N4BP2L1: variants seen among roughly 807,000 people sequenced by gnomAD.
N4BP2L1 encodes NEDD4 binding protein 2 like 1.
In N4BP2L1, 12 loss-of-function variants were observed where a neutral mutation model predicts 21.2. That is an observed-to-expected ratio of 0.57 (90% confidence interval 0.36 to 0.92). The LOEUF is 0.92. Among genes scored for constraint, N4BP2L1 ranks in the 40% least tolerant of loss-of-function variants. N4BP2L1 has a pLI of 0.01. For synonymous variants in N4BP2L1, 104 were observed against 112.8 expected, an observed-to-expected ratio of 0.92 and a Z score of 0.49; for missense variants, 259 against 310.6, an observed-to-expected ratio of 0.83 and a Z score of 1.25.
chr13:32,418,811 A>G (rs2074291985), intron 1 of N4BP2L1, among the ~76,000 whole-genome samples: 1 of 152,152 alleles, frequency 6.6e-6, no homozygotes, highest in African/African-American at 2.4e-5. Flanking sequence ...ACCCTGCTGG[A>G]TTTTGGGCTT....
intron 1 of N4BP2L1, among the ~76,000 whole-genome samples, chr13:32,427,616 T>TC (rs1012297534): frequency 8.6e-5 from 13 of 151,174 alleles, no homozygotes; most frequent in Middle Eastern, 3.4e-3. Context: ...CGGGAATCCG[T>TC]CCCCCCCGGG....
intron 1 of N4BP2L1, among the ~76,000 whole-genome samples, chr13:32,419,115 C>A (rs2074308917): frequency 6.6e-6 from 1 of 152,054 alleles, no homozygotes; most frequent in Admixed American, 6.5e-5. Context: ...ACCCAAATCT[C>A]ATCTTGAATT....
intron 1 of N4BP2L1, among the ~76,000 whole-genome samples, chr13:32,409,762 A>G (rs1466481839): frequency 6.6e-6 from 1 of 151,976 alleles, no homozygotes; most frequent in Non-Finnish European, 1.5e-5. Context: ...CTCTTGGGGG[A>G]GGGGCTGAGC....
In N4BP2L1 at chr13:32,402,984, C is replaced by T. The variant is rs759462544; in HGVS notation, c.690G>A (p.Glu230=). The T allele has an allele frequency of 3.1e-6, 5 of 1,613,676 alleles. No individual in the cohort carries two copies. The African/African-American group carries it at 5.3e-5, about 17-fold the overall frequency. Residue 230 remains glutamate (E), a synonymous_variant, in exon 5 of 5, where the codon GAG becomes GAA. Transcript: ENST00000380130. ...NRRAHGGFTN[E]SSYHRRGGCH... ...AACCGCCCCTTCTGTGATAGGAGCT[C>T]TCATTTGTAAATCCACCGTGGGCCC...
At chr13:32,414,817 G>A (rs1267333612) in intron 1 of N4BP2L1, among the ~76,000 whole-genome samples, 1 of 152,102 alleles carries the variant, frequency 6.6e-6, no homozygotes, top group Non-Finnish European at 1.5e-5. Flanking sequence ...TTGCATGTGG[G>A]GCTGCCAGAA....
chr13:32,414,430 T>C lies in N4BP2L1; in HGVS notation c.180-6658A>G, dbSNP rs149139987. Among the ~76,000 whole-genome samples, 592 of 152,350 alleles carry C rather than the reference T, an allele frequency of 3.9e-3. 3 individuals are homozygous for C. The highest frequency in any genetic ancestry group is 0.013 in the African/African-American group (533 of 41,576). On this transcript the variant is annotated intron_variant, in intron 1 of 4. Transcript: ENST00000380130. ...GAGATATTCTTTGGTGAACTGCACT[T>C]TCACGTCCTTTGGTGAATAAAGCCT...
At chr13:32,407,408 T>G in intron 2 of N4BP2L1, 70 bp from the exon 3 acceptor site, 1 of 1,611,094 alleles carries the variant, frequency 6.2e-7, no homozygotes, top group South Asian at 1.1e-5. Flanking sequence ...TAATCTCTAT[T>G]CGTCATTTTT....
At chr13:32,418,979 G>A (rs1261651082) in intron 1 of N4BP2L1, among the ~76,000 whole-genome samples, 1 of 152,188 alleles carries the variant, frequency 6.6e-6, no homozygotes, top group South Asian at 2.1e-4. Context: ...TCTCAGATGA[G>A]ACTTTGGACT....
intron 1 of N4BP2L1, chr13:32,411,846 A>G: frequency 2.2e-6 from 2 of 904,268 alleles, no homozygotes; most frequent in Non-Finnish European, 2.6e-6. Flanking sequence ...AAAGTCAGAC[A>G]TTGCATGTAA....
intron 1 of N4BP2L1, chr13:32,411,806 A>C: frequency 2.1e-6 from 2 of 973,292 alleles, no homozygotes; most frequent in Non-Finnish European, 2.4e-6. Flanking sequence ...ATATTTAGAT[A>C]TCTCTTCAGC....
At chr13:32,410,068 T>C (rs1021193740) in intron 1 of N4BP2L1, among the ~76,000 whole-genome samples, 5 of 152,202 alleles carry the variant, frequency 3.3e-5, no homozygotes, top group Admixed American at 2.6e-4. Flanking sequence ...GGTGGATAGT[T>C]CTCAGACGCT....
chr13:32,409,965 A>G (rs1284429118), intron 1 of N4BP2L1, among the ~76,000 whole-genome samples: 3 of 152,254 alleles, frequency 2.0e-5, no homozygotes, highest in Non-Finnish European at 4.4e-5. Context: ...AGAGTGATCA[A>G]ATACATACAA....
At chr13:32,421,349 G>A (rs2074465846) in intron 1 of N4BP2L1, among the ~76,000 whole-genome samples, 1 of 152,150 alleles carries the variant, frequency 6.6e-6, no homozygotes, top group African/African-American at 2.4e-5. Flanking sequence ...TCCCTTTCAG[G>A]CCCTCTTTCT....
intron 1 of N4BP2L1, chr13:32,419,470 CT>C: frequency 3.4e-6 from 1 of 296,654 alleles, no homozygotes; most frequent in Non-Finnish European, 6.1e-6. Flanking sequence ...CGGGGTTTCA[CT>C]ATGTTGGCTA....
chr13:32,402,297 C>A lies in N4BP2L1; in HGVS notation c.*645G>T. ...ATGACACTGATTTCCCTCAGTAGCTCCTGTAGCTATTAAGGATTTGACAGC... is the reference window on the plus strand; with the variant it reads ...ATGACACTGATTTCCCTCAGTAGCTACTGTAGCTATTAAGGATTTGACAGC... On this transcript the variant is annotated 3_prime_UTR_variant, in exon 5 of 5. Transcript: ENST00000380130. 3.5e-6 allele frequency: 2 copies of A among 574,614 alleles called. No individual in the cohort carries two copies. Among genetic ancestry groups the A allele is most frequent in the Non-Finnish European group, 4.4e-6 (2 of 455,050 alleles). The allele number at this position is 574,614 out of a possible 1,614,324, so 35.6% of individuals were successfully genotyped here.
intron 1 of N4BP2L1, among the ~76,000 whole-genome samples, chr13:32,418,891 C>T (rs2074295901): frequency 6.6e-6 from 1 of 152,226 alleles, no homozygotes; most frequent in Non-Finnish European, 1.5e-5. Context: ...TACCCAATGC[C>T]TGTACCCCCA....
chr13:32,419,751 T>G (rs1316229188), intron 1 of N4BP2L1, among the ~76,000 whole-genome samples: 1 of 152,206 alleles, frequency 6.6e-6, no homozygotes, highest in Non-Finnish European at 1.5e-5. Flanking sequence ...AATTATCCAG[T>G]TTTGGGTATG....
intron 1 of N4BP2L1, chr13:32,425,449 C>T (rs555591828): frequency 6.6e-6 from 1 of 152,336 alleles, no homozygotes; most frequent in African/African-American, 2.4e-5. Context: ...CTACCTTCTT[C>T]ACTCCAGAGC....
intron 1 of N4BP2L1, among the ~76,000 whole-genome samples, chr13:32,412,385 G>A (rs2073907199): frequency 1.2e-5 from 1 of 85,090 alleles, no homozygotes; most frequent in African/African-American, 3.2e-5. Context: ...CCAGCACTTT[G>A]GGAGGCCAAG....
Sources: allele counts gnomAD v4.1 joint callset (sites outside exome capture counted in the v4.1 genomes callset), GRCh38; gene constraint gnomAD v4.1.1; transcripts MANE v1.5; gene names NCBI Gene and HGNC (gene_info 2026-07-23, HGNC 2026-07-21).